NCKAP5: variants seen among roughly 807,000 people sequenced by gnomAD.
NCKAP5 encodes the protein NCK associated protein 5.
Under a neutral mutation model 167.0 loss-of-function variants are expected in NCKAP5, and 92 were observed. The ratio of observed to expected loss-of-function variants is 0.55; its 90% confidence interval spans 0.47 to 0.66. The LOEUF is 0.66. NCKAP5 is among the 30% of genes least tolerant of loss of function. The pLI, the probability that NCKAP5 is intolerant of heterozygous loss-of-function variation, is 0.00. For synonymous variants in NCKAP5, 891 were observed against 877.4 expected, an observed-to-expected ratio of 1.02 and a Z score of -0.27; for missense variants, 2,378 against 2,315.0, an observed-to-expected ratio of 1.03 and a Z score of -0.56.
the NCKAP5 span, among the ~76,000 whole-genome samples, chr2:133,632,895 C>A: frequency 3.1e-3 from 472 of 152,240 alleles, 4 homozygotes; most frequent in South Asian, 0.027. Context: ...AATCATTTCA[C>A]CCATTTAGGT....
At chr2:132,928,094 G>A (rs1696057775) in intron 8 of NCKAP5, among the ~76,000 whole-genome samples, 1 of 152,130 alleles carries the variant, frequency 6.6e-6, no homozygotes, top group Non-Finnish European at 1.5e-5. Flanking sequence ...AAATAGAACA[G>A]GATAGTGTTT....
At chr2:133,126,384 A>C (rs2082405380) in intron 6 of NCKAP5, among the ~76,000 whole-genome samples, 1 of 152,214 alleles carries the variant, frequency 6.6e-6, no homozygotes, top group South Asian at 2.1e-4. Flanking sequence ...AAGCACATGT[A>C]TATATCTGGA....
chr2:133,129,983 G>A lies in NCKAP5; in HGVS notation c.336C>T (p.Phe112=), dbSNP rs775961437. ...TGCTCAGCTAAGAACAATACCTGGA[G>A]AACTGCTGCTGCAAGCTACGCATCT... is the stretch of plus-strand genomic sequence containing the variant. ...RIQMRSLQQQ[F]SRMEETVRNL... Residue 112 remains phenylalanine (F), a synonymous_variant, in exon 6 of 20, where the codon TTC becomes TTT. Coordinates refer to ENST00000409261, the MANE Select transcript of NCKAP5 (RefSeq NM_207363.3). 5 of 1,605,364 alleles carry A rather than the reference G, an allele frequency of 3.1e-6. No homozygotes were observed. In the South Asian group the frequency reaches 3.4e-5, roughly 11 times the overall value.
At chr2:132,881,013 A>G (rs1391976801) in intron 8 of NCKAP5, among the ~76,000 whole-genome samples, 1 of 152,198 alleles carries the variant, frequency 6.6e-6, no homozygotes, top group African/African-American at 2.4e-5. Flanking sequence ...TAAATACAGT[A>G]CCACAATGTG....
In NCKAP5 at chr2:132,785,538, C is replaced by A; in HGVS notation, c.1273G>T (p.Gly425Cys). 1.7e-5 allele frequency: 27 copies of A among 1,606,894 alleles called. No individual in the cohort carries two copies. Among genetic ancestry groups the A allele is most frequent in the Non-Finnish European group, 2.3e-5 (27 of 1,176,396 alleles). ...TTCGAGTTCATGCAATCTTTATAAC[C>A]CCATTTGGTTATCACTGATGGGGGT... ...LEPPSVITKW[G>C]YKDCMNSNEG... The change falls in exon 14 of 20, where the codon GGT becomes TGT. Residue 425 changes from glycine (G) to cysteine (C), a missense_variant. Gly to Cys is a radical substitution (Grantham distance 159). Coordinates refer to ENST00000409261, the MANE Select transcript of NCKAP5 (RefSeq NM_207363.3).
intron 2 of NCKAP5, among the ~76,000 whole-genome samples, chr2:133,544,218 A>G (rs1179535703): frequency 2.6e-5 from 4 of 152,308 alleles, no homozygotes; most frequent in East Asian, 1.9e-4. Flanking sequence ...AAAAAAATAA[A>G]TCTCTTTTTC....
intron 3 of NCKAP5, among the ~76,000 whole-genome samples, chr2:133,509,584 G>A (rs1199076043): frequency 5.3e-5 from 8 of 152,162 alleles, no homozygotes; most frequent in Admixed American, 5.2e-4. Context: ...CTATGTGTCA[G>A]ACTTTAGGAA....
chr2:132,759,932 T>C (rs1428820798), intron 16 of NCKAP5, among the ~76,000 whole-genome samples: 1 of 152,062 alleles, frequency 6.6e-6, no homozygotes, highest in African/African-American at 2.4e-5. Context: ...ACTATTTAAC[T>C]TTCCCCCTAC....
intron 3 of NCKAP5, among the ~76,000 whole-genome samples, chr2:133,394,057 T>A (rs1163022370): frequency 6.6e-6 from 1 of 152,204 alleles, no homozygotes; most frequent in African/African-American, 2.4e-5. Flanking sequence ...AAAGACAAAT[T>A]AGACAGACTC....
intron 3 of NCKAP5, among the ~76,000 whole-genome samples, chr2:133,440,386 T>A (rs1054202226): frequency 5.9e-5 from 9 of 152,056 alleles, no homozygotes; most frequent in Non-Finnish European, 2.9e-5. Flanking sequence ...CCACAGTCAT[T>A]CTGTTGTTGA....
At chr2:133,528,244 A>G (rs1483757392) in intron 2 of NCKAP5, among the ~76,000 whole-genome samples, 2 of 152,108 alleles carry the variant, frequency 1.3e-5, no homozygotes, top group African/African-American at 2.4e-5. Context: ...ATATACACAC[A>G]CATATAGTCA....
intron 11 of NCKAP5, among the ~76,000 whole-genome samples, chr2:132,855,176 C>T (rs1256930031): frequency 1.3e-5 from 2 of 152,116 alleles, no homozygotes; most frequent in East Asian, 3.9e-4. Context: ...TGTCCCTTAC[C>T]TCTCAAAGGG....
At chr2:132,786,793 C>A (rs573227225) in intron 13 of NCKAP5, among the ~76,000 whole-genome samples, 1 of 152,294 alleles carries the variant, frequency 6.6e-6, no homozygotes, top group South Asian at 2.1e-4. Context: ...AGAGCTGGAG[C>A]AAAGGTATGA....
At chr2:132,952,695 A>C (rs1458229177) in intron 8 of NCKAP5, among the ~76,000 whole-genome samples, 1 of 152,212 alleles carries the variant, frequency 6.6e-6, no homozygotes, top group Non-Finnish European at 1.5e-5. Context: ...CAATAGTGAG[A>C]GACAGGCCAC....
At chr2:133,392,755 C>T (rs867849035) in intron 3 of NCKAP5, among the ~76,000 whole-genome samples, 26 of 152,124 alleles carry the variant, frequency 1.7e-4, no homozygotes, top group African/African-American at 6.0e-4. Flanking sequence ...TTTCCCCAAA[C>T]TCTTATATAT....
At chr2:132,798,922 C>T (rs999886407) in intron 11 of NCKAP5, among the ~76,000 whole-genome samples, 1 of 152,164 alleles carries the variant, frequency 6.6e-6, no homozygotes, top group Non-Finnish European at 1.5e-5. Context: ...AAAGGAAAAT[C>T]CATCATTCTA....
chr2:133,489,655 C>A (rs1290355343), intron 3 of NCKAP5, among the ~76,000 whole-genome samples: 1 of 152,176 alleles, frequency 6.6e-6, no homozygotes, highest in South Asian at 2.1e-4. Context: ...TTAAAGTAAA[C>A]CCTGAATGAC....
Position 133,517,533 on chromosome 2 carries a change from A to G in NCKAP5, c.-7T>C. On this transcript the variant is annotated 5_prime_UTR_variant, in exon 3 of 20. Transcript: ENST00000409261. ...GCTGTCTCTTTCCCTCCATGGATGA[A>G]GTTATTTATTTTCTTTTGTGACTTA... 1.3e-6 allele frequency: 2 copies of G among 1,515,844 alleles called. No homozygotes were observed. The highest frequency in any genetic ancestry group is 1.8e-6 in the Non-Finnish European group (2 of 1,127,838). The allele number at this position is 1,515,844 out of a possible 1,614,324, so 93.9% of individuals were successfully genotyped here.
intron 5 of NCKAP5, among the ~76,000 whole-genome samples, chr2:133,161,834 G>T (rs943310186): frequency 1.3e-5 from 2 of 152,322 alleles, no homozygotes; most frequent in African/African-American, 2.4e-5. Flanking sequence ...AAGACATGAG[G>T]TATATAGGGC....
Sources: allele counts gnomAD v4.1 joint callset (sites outside exome capture counted in the v4.1 genomes callset), GRCh38; gene constraint gnomAD v4.1.1; transcripts MANE v1.5; gene names NCBI Gene and HGNC (gene_info 2026-07-23, HGNC 2026-07-21).